The following NRG3 variants were observed in gnomAD, a reference collection of about 807,000 sequenced individuals.
NRG3 encodes the protein pro-neuregulin-3, membrane-bound isoform.
Under a neutral mutation model 66.9 loss-of-function variants are expected in NRG3, and 31 were observed. That is an observed-to-expected ratio of 0.46 (90% CI 0.35 to 0.63). The LOEUF is 0.63. Ranked by LOEUF, NRG3 falls within the 20% of genes least tolerant of loss-of-function variation. The pLI is 0.00. For synonymous variants in NRG3, 393 were observed against 359.4 expected, an observed-to-expected ratio of 1.09 and a Z score of -1.06; for missense variants, 910 against 878.9, an observed-to-expected ratio of 1.04 and a Z score of -0.45.
chr10:82,984,716 G>A (rs1853276234), intron 8 of NRG3: 1 of 1,497,936 alleles, frequency 6.7e-7, no homozygotes. Context: ...GCCATTATGG[G>A]TGTCCTGTTT....
At chr10:82,552,634 A>G (rs1049277390) in intron 2 of NRG3, among the ~76,000 whole-genome samples, 2 of 152,152 alleles carry the variant, frequency 1.3e-5, no homozygotes, top group African/African-American at 4.8e-5. Flanking sequence ...ATAAAACTGC[A>G]ATAGAAGTCA....
intron 2 of NRG3, among the ~76,000 whole-genome samples, chr10:82,445,053 G>A (rs1315973070): frequency 6.6e-6 from 1 of 152,010 alleles, no homozygotes; most frequent in African/African-American, 2.4e-5. Flanking sequence ...AATATCCTCT[G>A]TCTAACTCCA....
intron 2 of NRG3, among the ~76,000 whole-genome samples, chr10:82,393,949 C>G (rs1347416650): frequency 6.6e-6 from 1 of 152,140 alleles, no homozygotes; most frequent in Non-Finnish European, 1.5e-5. Flanking sequence ...ATGTGCCTGC[C>G]AAGTGATTAT....
chr10:82,458,651 C>T (rs1408988632), intron 2 of NRG3, among the ~76,000 whole-genome samples: 1 of 152,134 alleles, frequency 6.6e-6, no homozygotes, highest in Non-Finnish European at 1.5e-5. Flanking sequence ...ATAGTGTACA[C>T]CTTGGAGTAA....
intron 1 of NRG3, among the ~76,000 whole-genome samples, chr10:82,013,204 G>T (rs746911662): frequency 6.6e-6 from 1 of 152,076 alleles, no homozygotes; most frequent in Non-Finnish European, 1.5e-5. Context: ...CATCTTACAT[G>T]GCAACAGGCA....
intron 1 of NRG3, among the ~76,000 whole-genome samples, chr10:82,338,584 G>T (rs2135363547): frequency 6.6e-6 from 1 of 152,280 alleles, no homozygotes; most frequent in Middle Eastern, 3.4e-3. Flanking sequence ...CTCCATGATA[G>T]ATTGTTAAAT....
chr10:82,765,064 T>C (rs974676370), intron 3 of NRG3, among the ~76,000 whole-genome samples: 6 of 152,126 alleles, frequency 3.9e-5, no homozygotes, highest in Admixed American at 3.3e-4. Context: ...TTCAATACAG[T>C]TTTCATTAAA....
chr10:82,752,994 A>C (rs1179698967), intron 3 of NRG3, among the ~76,000 whole-genome samples: 1 of 152,190 alleles, frequency 6.6e-6, no homozygotes, highest in African/African-American at 2.4e-5. Context: ...AAATTATGCT[A>C]CTTTAAGTAG....
chr10:81,904,526 A>T (rs986216788), intron 1 of NRG3, among the ~76,000 whole-genome samples: 2 of 152,036 alleles, frequency 1.3e-5, no homozygotes, highest in African/African-American at 4.8e-5. Flanking sequence ...CTAATCATTG[A>T]ATTACTGTCT....
intron 3 of NRG3, among the ~76,000 whole-genome samples, chr10:82,811,399 G>A (rs541131140): frequency 6.6e-6 from 1 of 152,186 alleles, no homozygotes. Flanking sequence ...TTTAGAAAGG[G>A]AGGCTTGTGG....
chr10:82,071,322 A>G (rs1243346680), intron 1 of NRG3, among the ~76,000 whole-genome samples: 2 of 152,172 alleles, frequency 1.3e-5, no homozygotes, highest in Non-Finnish European at 2.9e-5. Context: ...AATGCTGAGC[A>G]AGGATGGGGA....
chr10:82,425,274 A>G (rs2089351260), intron 2 of NRG3, among the ~76,000 whole-genome samples: 1 of 152,122 alleles, frequency 6.6e-6, no homozygotes, highest in Admixed American at 6.6e-5. Context: ...GATTCATTAC[A>G]TTGGGTCTCA....
At chr10:82,303,492 A>C (rs2080530649) in intron 1 of NRG3, among the ~76,000 whole-genome samples, 1 of 152,238 alleles carries the variant, frequency 6.6e-6, no homozygotes, top group Admixed American at 6.5e-5. Flanking sequence ...AGTGACTGAT[A>C]AAAATGTTTA....
intron 1 of NRG3, among the ~76,000 whole-genome samples, chr10:81,880,371 T>C (rs979769367): frequency 5.3e-5 from 8 of 152,114 alleles, no homozygotes; most frequent in Non-Finnish European, 1.0e-4. Context: ...GCTACAGTTA[T>C]ATTTGTGCTA....
At chr10:82,429,712 A>G (rs1564911232) in intron 2 of NRG3, among the ~76,000 whole-genome samples, 1 of 151,918 alleles carries the variant, frequency 6.6e-6, no homozygotes, top group Non-Finnish European at 1.5e-5. Context: ...TTTTTCCGCT[A>G]TATTCTCTGT....
chr10:82,061,614 T>C (rs1342074889), intron 1 of NRG3, among the ~76,000 whole-genome samples: 1 of 152,108 alleles, frequency 6.6e-6, no homozygotes, highest in East Asian at 1.9e-4. Context: ...TCTACCAGTT[T>C]CCTTTTAAAA....
chr10:82,535,021 G>A (rs1306847959), intron 2 of NRG3, among the ~76,000 whole-genome samples: 2 of 151,120 alleles, frequency 1.3e-5, no homozygotes, highest in African/African-American at 4.9e-5. Context: ...CAGGCATGGT[G>A]GTGCGCCTCT....
rs115706051 is a variant in NRG3 at position 81,992,511 on chromosome 10, G to A, written c.823+116348G>A. ...ATAGATAGTTTCAAGTAAATAATGT[G>A]TTCTCTTAAGCTCACAATGATGACT... On this transcript the variant is annotated intron_variant, in intron 1 of 8. Coordinates refer to ENST00000372141, the MANE Select transcript of NRG3 (RefSeq NM_001010848.4). Among the ~76,000 whole-genome samples the A allele has an allele frequency of 9.8e-3, 1,491 of 152,246 alleles. 23 individuals are homozygous for A. The highest frequency in any genetic ancestry group is 0.033 in the African/African-American group (1,388 of 41,556).
At chr10:81,889,036 G>C (rs1324511050) in intron 1 of NRG3, among the ~76,000 whole-genome samples, 1 of 152,118 alleles carries the variant, frequency 6.6e-6, no homozygotes, top group Non-Finnish European at 1.5e-5. Flanking sequence ...AGGATGTTTA[G>C]TTTATCCATA....
Sources: allele counts gnomAD v4.1 joint callset (sites outside exome capture counted in the v4.1 genomes callset), GRCh38; gene constraint gnomAD v4.1.1; transcripts MANE v1.5; gene names NCBI Gene and HGNC (gene_info 2026-07-23, HGNC 2026-07-21).